Variants in IL1RAPL2 observed in about 807,000 individuals in gnomAD.
IL1RAPL2 encodes the protein interleukin 1 receptor accessory protein like 2, also known as X-linked interleukin-1 receptor accessory protein-like 2.
In IL1RAPL2, 3 loss-of-function variants were observed where a neutral mutation model predicts 44.1. The ratio of observed to expected loss-of-function variants is 0.07; its 90% CI spans 0.03 to 0.18. The LOEUF is 0.18. Ranked by LOEUF, IL1RAPL2 falls within the 10% of genes least tolerant of loss-of-function variation. The probability of loss-of-function intolerance (pLI) is 1.00; values close to 1 mark genes in which losing one functional copy is unlikely to be tolerated. For missense variants in IL1RAPL2, 391 were observed against 496.4 expected (o/e 0.79, Z 2.02); for synonymous variants, 181 against 178.8 (o/e 1.01, Z -0.10).
chrX:104,940,949 T>A (rs1419118644), intron 2 of IL1RAPL2, among the ~76,000 whole-genome samples: 7 of 100,129 alleles, frequency 7.0e-5, no homozygotes, highest in African/African-American at 2.6e-4. Context: ...ATTGTTCAAT[T>A]CCCACCTATG....
At chrX:105,357,408 T>A (rs1035091861) in intron 5 of IL1RAPL2, among the ~76,000 whole-genome samples, 2 of 111,882 alleles carry the variant, frequency 1.8e-5, no homozygotes, top group Non-Finnish European at 3.8e-5. Flanking sequence ...ACCATAATAG[T>A]TTTATAGTAA....
intron 2 of IL1RAPL2, 36 bp downstream of exon 2, chrX:104,659,031 A>C: frequency 9.5e-7 from 1 of 1,058,018 alleles, no homozygotes. Context: ...TTTGGTCAAA[A>C]ATGTACAGTT....
intron 2 of IL1RAPL2, among the ~76,000 whole-genome samples, chrX:104,732,948 C>T (rs1260631071): frequency 9.0e-6 from 1 of 110,666 alleles, no homozygotes; most frequent in Non-Finnish European, 1.9e-5. Flanking sequence ...TGAATTTATA[C>T]CAAAAATATT....
At chrX:104,792,368 G>A (rs1438632911) in intron 2 of IL1RAPL2, among the ~76,000 whole-genome samples, 2 of 111,030 alleles carry the variant, frequency 1.8e-5, no homozygotes, top group Non-Finnish European at 3.8e-5. Context: ...GTTTCCCAAA[G>A]TGTATTCCAC....
intron 4 of IL1RAPL2, among the ~76,000 whole-genome samples, chrX:105,241,784 C>T (rs1280438811): frequency 8.9e-6 from 1 of 111,889 alleles, no homozygotes; most frequent in Non-Finnish European, 1.9e-5. Context: ...TCACAATCTT[C>T]CACAACTTGC....
At chrX:105,098,677 A>T (rs775064666) in intron 2 of IL1RAPL2, among the ~76,000 whole-genome samples, 45 of 111,944 alleles carry the variant, frequency 4.0e-4, no homozygotes, top group East Asian at 5.7e-4. Context: ...TCAATACGCA[A>T]TCTGTGTGAT....
chrX:104,689,502 C>T (rs1232704968), intron 2 of IL1RAPL2, among the ~76,000 whole-genome samples: 1 of 111,378 alleles, frequency 9.0e-6, no homozygotes, highest in East Asian at 2.8e-4. Context: ...GGTCAGTGTA[C>T]ACACACATAA....
chrX:104,855,268 G>A (rs768838157), intron 2 of IL1RAPL2, among the ~76,000 whole-genome samples: 6 of 111,697 alleles, frequency 5.4e-5, no homozygotes, highest in Non-Finnish European at 7.5e-5. Flanking sequence ...ATTCCAGGGC[G>A]ATAGATGAGG....
At chrX:105,140,601 A>G (rs1350195853) in intron 2 of IL1RAPL2, among the ~76,000 whole-genome samples, 1 of 112,368 alleles carries the variant, frequency 8.9e-6, no homozygotes, top group African/African-American at 3.2e-5. Context: ...ACCAGTTGAT[A>G]CAATACTCAT....
At chrX:104,862,539 A>T (rs1408908787) in intron 2 of IL1RAPL2, among the ~76,000 whole-genome samples, 1 of 110,599 alleles carries the variant, frequency 9.0e-6, no homozygotes, top group African/African-American at 3.3e-5. Flanking sequence ...TCTACCAACA[A>T]ACCAAAAAAA....
At chrX:105,362,590 A>G (rs765502376) in intron 5 of IL1RAPL2, among the ~76,000 whole-genome samples, 3 of 110,861 alleles carry the variant, frequency 2.7e-5, no homozygotes, top group Non-Finnish European at 5.7e-5. Context: ...AGTGAGAGAA[A>G]TTATTCTGAC....
chrX:105,388,898 A>G (rs184416786), intron 5 of IL1RAPL2, among the ~76,000 whole-genome samples: 77 of 111,669 alleles, frequency 6.9e-4, no homozygotes, highest in Admixed American at 5.7e-3. Context: ...TATTAGAGTC[A>G]ATTGAGATTT....
intron 2 of IL1RAPL2, among the ~76,000 whole-genome samples, chrX:104,819,684 G>A (rs1921246220): frequency 8.9e-6 from 1 of 112,015 alleles, no homozygotes; most frequent in African/African-American, 3.2e-5. Flanking sequence ...CCTATAACAT[G>A]TGTGCTTAAA....
At chrX:105,539,655 A>G (rs2036705126) in intron 6 of IL1RAPL2, among the ~76,000 whole-genome samples, 1 of 111,957 alleles carries the variant, frequency 8.9e-6, no homozygotes, top group Non-Finnish European at 1.9e-5. Context: ...AATTGCAACA[A>G]AACCAAAAAT....
At chrX:105,647,716 TAA>T (rs1304290701) in intron 6 of IL1RAPL2, among the ~76,000 whole-genome samples, 5 of 112,582 alleles carry the variant, frequency 4.4e-5, no homozygotes, top group Admixed American at 3.7e-4. Flanking sequence ...TTCTGCAGTT[TAA>T]GACTCATTAA....
At chrX:104,878,231 GC>G (rs2147656512) in intron 2 of IL1RAPL2, among the ~76,000 whole-genome samples, 1 of 111,659 alleles carries the variant, frequency 9.0e-6, no homozygotes, top group South Asian at 3.8e-4. Context: ...CTTTGATCTG[GC>G]TTTCCACTAA....
At chrX:105,646,471 C>CTGAT (rs1160834718) in intron 6 of IL1RAPL2, among the ~76,000 whole-genome samples, 1 of 111,932 alleles carries the variant, frequency 8.9e-6, no homozygotes, top group Non-Finnish European at 1.9e-5. Context: ...TATAAAGTGT[C>CTGAT]ATCAAACCAT....
intron 5 of IL1RAPL2, among the ~76,000 whole-genome samples, chrX:105,280,597 A>G (rs1253978089): frequency 2.7e-5 from 3 of 111,648 alleles, no homozygotes; most frequent in Non-Finnish European, 3.8e-5. Flanking sequence ...AAAAAAACGC[A>G]TCAAAAAGTT....
intron 2 of IL1RAPL2, among the ~76,000 whole-genome samples, chrX:104,865,178 C>G (rs761107892): frequency 9.0e-6 from 1 of 111,513 alleles, no homozygotes; most frequent in African/African-American, 3.3e-5. Context: ...AAAACAATAT[C>G]GCATCCCTGG....
Sources: gnomAD v4.1 joint callset for allele counts (sites outside exome capture counted in the v4.1 genomes callset) on GRCh38, gnomAD v4.1.1 for gene constraint, MANE v1.5 for transcripts, NCBI Gene and HGNC (gene_info 2026-07-23, HGNC 2026-07-21) for gene names.